Variants in PKD1 observed in about 807,000 individuals in gnomAD.
PKD1 encodes polycystin 1, transient receptor potential channel interacting, also known as polycystin-1.
A neutral mutation model predicts 361.7 loss-of-function variants in PKD1; 81 were observed. The observed-to-expected ratio is 0.22, with a 90% CI of 0.19 to 0.27. The LOEUF (loss-of-function observed/expected upper bound fraction) is 0.27, where lower values mean the gene tolerates loss of function less well. Ranked by LOEUF, PKD1 falls within the 10% of genes least tolerant of loss-of-function variation. The probability of loss-of-function intolerance (pLI) is 1.00; values close to 1 mark genes in which losing one functional copy is unlikely to be tolerated. For synonymous variants in PKD1, 3,615 were observed against 2,818.3 expected (o/e 1.28, Z -8.95); for missense variants, 6,399 against 6,118.3 (o/e 1.05, Z -1.53).
intron 1 of PKD1, among the ~76,000 whole-genome samples, chr16:2,120,602 T>C (rs2092705480): frequency 6.6e-6 from 1 of 152,140 alleles, no homozygotes; most frequent in Non-Finnish European, 1.5e-5. Flanking sequence ...CTCGGGGGGC[T>C]GAGGAGGAAG....
At chr16:2,126,621 G>A (rs2092803344) in intron 1 of PKD1, among the ~76,000 whole-genome samples, 1 of 152,270 alleles carries the variant, frequency 6.6e-6, no homozygotes. Context: ...CCGCAGACGT[G>A]CCCGGCCTCA....
In PKD1 at chr16:2,110,174, T is replaced by C. The variant is rs1453003103; in HGVS notation, c.4993A>G (p.Ser1665Gly). The change falls in exon 15 of 46, where the codon AGC becomes GGC. Residue 1665 changes from serine (S) to glycine (G), a missense_variant. Coordinates refer to ENST00000262304, the MANE Select transcript of PKD1 (RefSeq NM_001009944.3). Reference protein sequence around the residue: ...VVRDGTNVSYSWTAWRDRGPA... With the variant: ...VVRDGTNVSYGWTAWRDRGPA... The stretch of plus-strand genomic sequence containing the variant: ...CCCCTGTCCCTCCAGGCAGTCCAGC[T>C]GTAGGAGACGTTGGTGCCATCCCTA... The C allele has an allele frequency of 1.2e-6, 2 of 1,610,954 alleles. No homozygotes were observed. Among genetic ancestry groups the C allele is most frequent in the Non-Finnish European group, 1.7e-6 (2 of 1,179,772 alleles).
At chr16:2,121,299 A>T (rs1238659005) in intron 1 of PKD1, among the ~76,000 whole-genome samples, 1 of 151,960 alleles carries the variant, frequency 6.6e-6, no homozygotes, top group Non-Finnish European at 1.5e-5. Context: ...CGCGAGGCAG[A>T]GGTTGCAGTG....
chr16:2,102,773 A>ATGCCCTGCCC (rs748233393), intron 24 of PKD1, 41 bp downstream of exon 24: 6 of 1,609,042 alleles, frequency 3.7e-6, no homozygotes, highest in Non-Finnish European at 4.2e-6. Context: ...CTGACCCATG[A>ATGCCCTGCCC]TGCCCTGCCC....
intron 6 of PKD1, 56 bp from the exon 7 acceptor site, chr16:2,117,109 C>T (rs1596586980): frequency 1.3e-6 from 1 of 757,440 alleles, no homozygotes. Context: ...TCCTCCCACC[C>T]TCACAGCAGC....
Position 2,091,478 on chromosome 16 carries a change from C to A in PKD1, c.11657G>T (p.Arg3886Leu). The A allele has an allele frequency of 7.3e-7, 1 of 1,364,796 alleles. No individual in the cohort carries two copies. The highest frequency in any genetic ancestry group is 9.4e-7 in the Non-Finnish European group (1 of 1,065,040). 84.5% of individuals were successfully genotyped at this position (1,364,796 alleles called of 1,614,324 possible). A position where few individuals can be genotyped will look rare whatever the true frequency, so the allele number is the denominator to read the frequency against. ...GCTGAGGCGGCGCAGCGCAAAGGGGCGGACGCTGAGGGCGGCCAGGGCGCG... is the reference window on the plus strand; with the variant it reads ...GCTGAGGCGGCGCAGCGCAAAGGGGAGGACGCTGAGGGCGGCCAGGGCGCG... ...AGRALAALSV[R>L]PFALRRLSAG... Residue 3886 changes from arginine (R) to leucine (L), a missense_variant, in exon 42 of 46, where the codon CGC (arginine) becomes CTC (leucine). Transcript: ENST00000262304.
rs199476102 is a variant in PKD1, at chr16:2,090,309, C to T, written c.12420G>A (p.Trp4140Ter). The stretch of plus-strand genomic sequence containing the variant: ...CCTCCTTGACCTTGCTGAGGCCCAT[C>T]CAGAGGCGCAGCCTGCGCAGGAACA... ...VELFLRRLRL[W>*]MGLSKVKEFR... The change falls in exon 45 of 46, where the codon TGG becomes TGA. Residue 4140 changes from tryptophan to a stop codon, truncating the protein, a stop_gained. Coordinates refer to ENST00000262304, the MANE Select transcript of PKD1 (RefSeq NM_001009944.3). LOFTEE classifies it high-confidence loss of function. The T allele has an allele frequency of 6.2e-7, 1 of 1,611,246 alleles. No individual in the cohort carries two copies. Among genetic ancestry groups the T allele is most frequent in the Non-Finnish European group, 8.5e-7 (1 of 1,178,990 alleles).
chr16:2,096,207 A>G (rs1425530818), intron 34 of PKD1, among the ~76,000 whole-genome samples: 1 of 152,254 alleles, frequency 6.6e-6, no homozygotes, highest in Non-Finnish European at 1.5e-5. Flanking sequence ...TAGTTACCCA[A>G]ACCCAGACAC....
Position 2,092,107 on chromosome 16 carries a change from C to T in PKD1, c.11351G>A (p.Gly3784Asp), listed in dbSNP as rs142455071. 6.2e-7 allele frequency: 1 copy of T among 1,612,924 alleles called. No homozygotes were observed. The highest frequency in any genetic ancestry group is 1.3e-5 in the African/African-American group (1 of 75,070). Residue 3784 changes from glycine to aspartate, a missense_variant, in exon 40 of 46, where the codon GGC becomes GAC. Physicochemically the swap from Gly to Asp is moderately conservative, Grantham distance 94. Coordinates refer to ENST00000262304, the MANE Select transcript of PKD1 (RefSeq NM_001009944.3). Reference sequence around the variant, plus strand: ...CGAGCCATTGTGAGGACTCTCCCAGCCAACGTCGTAATCGCTGGTGCTGAA... The same window carrying T: ...CGAGCCATTGTGAGGACTCTCCCAGTCAACGTCGTAATCGCTGGTGCTGAA... ...GGFSTSDYDV[G>D]WESPHNGSGT...
In PKD1 at chr16:2,090,185, T is replaced by G. The variant is rs1048394881; in HGVS notation, c.12454A>C (p.Lys4152Gln). ...GGCTCCATCCCTTCAAAGCGGACTT[T>G]GTGGCGGAACTGGGGGCGGCACAGG... ...GLSKVKEFRH[K>Q]VRFEGMEPLP... The change falls in exon 46 of 46, where the codon AAA becomes CAA. Residue 4152 changes from lysine to glutamine, a missense_variant. Transcript: ENST00000262304. 2 of 1,604,094 alleles carry G rather than the reference T, an allele frequency of 1.2e-6. No homozygotes were observed. The highest frequency in any genetic ancestry group is 2.7e-5 in the African/African-American group (2 of 74,770).
In PKD1 at chr16:2,102,044, C is replaced by A. The variant is rs1379096244; in HGVS notation, c.9397+17G>T. 1 of 1,518,888 alleles carries A rather than the reference C, an allele frequency of 6.6e-7. No homozygotes were observed. Among genetic ancestry groups the A allele is most frequent in the Admixed American group, 1.9e-5 (1 of 52,192 alleles). 94.1% of individuals were successfully genotyped at this position (1,518,888 alleles called of 1,614,324 possible). A position where few individuals can be genotyped will look rare whatever the true frequency, so the allele number is the denominator to read the frequency against. On this transcript the variant is annotated intron_variant, in intron 26 of 45. Coordinates refer to ENST00000262304, the MANE Select transcript of PKD1 (RefSeq NM_001009944.3). ...GTGAGAGCAGGGGAGGCCCTGCCACCCCGCTGCGCCCCTCACCTGAGCCCC... is the reference window on the plus strand; with the variant it reads ...GTGAGAGCAGGGGAGGCCCTGCCACACCGCTGCGCCCCTCACCTGAGCCCC...
chr16:2,088,877 G>GCGCGCA lies in PKD1; in HGVS notation c.*844_*849dup, dbSNP rs1196159945. On this transcript the variant is annotated 3_prime_UTR_variant, in exon 46 of 46. Transcript: ENST00000262304. ...CCATACAGCACACTCGCGCGTGCGC[G>GCGCGCA]CGCGCACACACACACACACACAGTC... The GCGCGCA allele has an allele frequency of 2.9e-4, 142 of 482,032 alleles. No individual in the cohort carries two copies. The highest frequency in any genetic ancestry group is 4.4e-4 in the Admixed American group (12 of 26,974). The allele number at this position is 482,032 out of a possible 1,614,324, so 29.9% of individuals were successfully genotyped here.
chr16:2,110,268 C>T lies in PKD1; in HGVS notation c.4899G>A (p.Glu1633=). The T allele has an allele frequency of 6.2e-7, 1 of 1,612,008 alleles. No individual in the cohort carries two copies. Among genetic ancestry groups the T allele is most frequent in the East Asian group, 2.2e-5 (1 of 44,880 alleles). Residue 1633 remains glutamate, a synonymous_variant, in exon 15 of 46, where the codon GAG becomes GAA. Coordinates refer to ENST00000262304, the MANE Select transcript of PKD1 (RefSeq NM_001009944.3). ...SIFVYVLQLI[E]GLQVVGGGRY... ...GGCCACCGCCCACCACCTGCAGCCC[C>T]TCTATGAGCTGCAGGACATAGACGA...
intron 41 of PKD1, 48 bp downstream of exon 41, chr16:2,091,733 G>C (rs1178172597): frequency 1.9e-6 from 3 of 1,601,146 alleles, no homozygotes; most frequent in African/African-American, 1.3e-5. Context: ...TGGGCTCCTG[G>C]CTGGTGACTG....
At chr16:2,125,967 T>C (rs1373124203) in intron 1 of PKD1, among the ~76,000 whole-genome samples, 1 of 151,028 alleles carries the variant, frequency 6.6e-6, no homozygotes, top group African/African-American at 2.4e-5. Flanking sequence ...CAGGGTCCAG[T>C]GTGTCAATGG....
At position 2,093,967 on chromosome 16, in the gene PKD1, G is replaced by A; in HGVS notation, c.10665C>T (p.Ala3555=). 4 of 1,587,256 alleles carry A rather than the reference G, an allele frequency of 2.5e-6. No homozygotes were observed. Among genetic ancestry groups the A allele is most frequent in the Non-Finnish European group, 3.4e-6 (4 of 1,170,014 alleles). The change falls in exon 36 of 46, where the codon GCC becomes GCT. Residue 3555 remains alanine, a synonymous_variant. Coordinates refer to ENST00000262304, the MANE Select transcript of PKD1 (RefSeq NM_001009944.3). ...GCAGGCTGAGCCCGTGGGCCAGGGA[G>A]GCACACCAGGCCGGCAGCAGGCGCT... ...LRKRLLPAWC[A]SLAHGLSLLL... is the part of the protein sequence containing the mutation.
intron 39 of PKD1, 26 bp from the exon 40 acceptor site, chr16:2,092,214 G>C (rs867802300): frequency 3.8e-6 from 6 of 1,562,882 alleles, no homozygotes; most frequent in Middle Eastern, 1.7e-4. Context: ...CCCCAGGCCG[G>C]GGCCAGGGCC....
At position 2,109,393 on chromosome 16, in the gene PKD1, C is replaced by G. The variant is rs1164817822; in HGVS notation, c.5774G>C (p.Gly1925Ala). 1 of 1,598,320 alleles carries G rather than the reference C, an allele frequency of 6.3e-7. No individual in the cohort carries two copies. The highest frequency in any genetic ancestry group is 1.7e-5 in the Admixed American group (1 of 59,936). The change falls in exon 15 of 46, where the codon GGG becomes GCG. Residue 1925 changes from glycine to alanine, a missense_variant. Gly to Ala is a moderately conservative substitution (Grantham distance 60). Transcript: ENST00000262304. ...CCCGGGGAGCACCTCGGGGTTGGCCCCGCCGACCTGCAGGCGGAAGGTGAC... is the reference window on the plus strand; with the variant it reads ...CCCGGGGAGCACCTCGGGGTTGGCCGCGCCGACCTGCAGGCGGAAGGTGAC... ...SAVTFRLQVG[G>A]ANPEVLPGPR...
intron 5 of PKD1, 52 bp from the exon 6 acceptor site, chr16:2,117,724 G>C: frequency 7.4e-7 from 1 of 1,359,120 alleles, no homozygotes; most frequent in Non-Finnish European, 1.0e-6. Flanking sequence ...GCCCAAGACG[G>C]GGGTACCAGG....
Sources: allele counts gnomAD v4.1 joint callset (sites outside exome capture counted in the v4.1 genomes callset), GRCh38; gene constraint gnomAD v4.1.1; transcripts MANE v1.5; gene names NCBI Gene and HGNC (gene_info 2026-07-23, HGNC 2026-07-21).